The following PHACTR1 variants were observed in gnomAD, a reference collection of about 807,000 sequenced individuals.
PHACTR1 encodes the protein phosphatase and actin regulator 1, also known as RPEL repeat containing 1.
Under a neutral mutation model 69.2 loss-of-function variants are expected in PHACTR1, and 16 were observed. The ratio of observed to expected loss-of-function variants is 0.23; its 90% CI spans 0.16 to 0.35. PHACTR1 has a LOEUF of 0.35. PHACTR1 is among the 10% of genes least tolerant of loss of function. PHACTR1 has a pLI of 1.00. For missense variants in PHACTR1, 510 were observed against 734.7 expected (o/e 0.69, Z 3.54); for synonymous variants, 312 against 284.5 (o/e 1.10, Z -0.97).
At chr6:13,198,668 C>T (rs1446828337) in intron 7 of PHACTR1, among the ~76,000 whole-genome samples, 3 of 151,866 alleles carry the variant, frequency 2.0e-5, no homozygotes, top group Non-Finnish European at 4.4e-5. Context: ...GCATAAATCC[C>T]GTCATGTTTT....
chr6:13,058,885 G>C (rs888742429), intron 5 of PHACTR1, among the ~76,000 whole-genome samples: 4 of 152,154 alleles, frequency 2.6e-5, no homozygotes, highest in African/African-American at 9.7e-5. Context: ...GGTAACCAAA[G>C]ACCAGCTCCC....
chr6:12,807,957 A>G (rs1411195335), intron 4 of PHACTR1, among the ~76,000 whole-genome samples: 2 of 152,166 alleles, frequency 1.3e-5, no homozygotes, highest in Non-Finnish European at 2.9e-5. Flanking sequence ...AGATACTCAC[A>G]CCTCAGCTTT....
chr6:13,249,258 T>G (rs1392225665), intron 10 of PHACTR1, among the ~76,000 whole-genome samples: 1 of 152,058 alleles, frequency 6.6e-6, no homozygotes, highest in Non-Finnish European at 1.5e-5. Flanking sequence ...CATTAGATTC[T>G]CAGAACTGTG....
At chr6:13,226,460 A>C (rs957018899) in intron 8 of PHACTR1, among the ~76,000 whole-genome samples, 1 of 152,194 alleles carries the variant, frequency 6.6e-6, no homozygotes, top group South Asian at 2.1e-4. Flanking sequence ...TAGGCATGTC[A>C]AACACTTTTG....
intron 4 of PHACTR1, among the ~76,000 whole-genome samples, chr6:12,955,120 T>C (rs755486342): frequency 2.0e-5 from 3 of 151,636 alleles, no homozygotes; most frequent in Non-Finnish European, 4.4e-5. Context: ...ACAAAAATAA[T>C]TTCCCTTAAA....
At chr6:13,176,369 C>T (rs887345156) in intron 6 of PHACTR1, among the ~76,000 whole-genome samples, 4 of 152,186 alleles carry the variant, frequency 2.6e-5, no homozygotes, top group African/African-American at 9.7e-5. Context: ...AAACACATCT[C>T]ATGCATCCAC....
At position 13,205,902 on chromosome 6, in the gene PHACTR1, TG is replaced by T. The variant is rs749326031; in HGVS notation, c.759del (p.Pro254GlnfsTer59). The part of the protein sequence containing the change: ...PPKKVMICMP[V>X]GGPDLSLVSY... ...AAGAAAGTCATGATCTGTATGCCCG[TG>T]GGGGGGCCAGACCTCTCACTGGTGT... On this transcript the variant is annotated frameshift_variant, in exon 8 of 15. Transcript: ENST00000332995. LOFTEE classifies it high-confidence loss of function. 3 of 1,613,432 alleles carry T rather than the reference TG, an allele frequency of 1.9e-6. No individual in the cohort carries two copies. Among genetic ancestry groups the T allele is most frequent in the Non-Finnish European group, 2.5e-6 (3 of 1,179,500 alleles).
intron 4 of PHACTR1, among the ~76,000 whole-genome samples, chr6:12,925,882 G>T (rs192835403): frequency 1.3e-5 from 2 of 152,110 alleles, no homozygotes; most frequent in African/African-American, 4.8e-5. Flanking sequence ...CCTGTCTCTC[G>T]TGTATCTTCA....
At chr6:12,723,467 G>A (rs1184168489) in intron 3 of PHACTR1, among the ~76,000 whole-genome samples, 3 of 151,332 alleles carry the variant, frequency 2.0e-5, no homozygotes, top group Non-Finnish European at 4.4e-5. Context: ...ACACCACCTG[G>A]AATCCTTGTT....
chr6:12,907,433 T>G (rs1048633380), intron 4 of PHACTR1, among the ~76,000 whole-genome samples: 3 of 152,234 alleles, frequency 2.0e-5, no homozygotes, highest in Non-Finnish European at 4.4e-5. Context: ...TGTCTTTTAT[T>G]TCTATGTAGT....
chr6:13,113,242 A>T lies in PHACTR1; in HGVS notation c.416-46962A>T, dbSNP rs190688006. Reference sequence around the variant, plus strand: ...AACTTAGATGAAATAAATTTTTAGTAAAAGATAACTGGTCAAAACTGATCC... The same window carrying T: ...AACTTAGATGAAATAAATTTTTAGTTAAAGATAACTGGTCAAAACTGATCC... On this transcript the variant is annotated intron_variant, in intron 5 of 14. Coordinates refer to ENST00000332995, the MANE Select transcript of PHACTR1 (RefSeq NM_030948.6). Among the ~76,000 whole-genome samples, 144 of 152,254 alleles carry T rather than the reference A, an allele frequency of 9.5e-4. 1 individual carries two copies. The highest frequency in any genetic ancestry group is 2.9e-3 in the African/African-American group (121 of 41,558).
At chr6:13,082,263 T>C (rs1583277102) in intron 5 of PHACTR1, among the ~76,000 whole-genome samples, 1 of 152,172 alleles carries the variant, frequency 6.6e-6, no homozygotes, top group South Asian at 2.1e-4. Context: ...CTCCAATGGG[T>C]ATCACTTTGC....
chr6:13,198,384 A>G lies in PHACTR1; in HGVS notation c.665-7431A>G, dbSNP rs560624686. 2.6e-5 allele frequency among the ~76,000 whole-genome samples: 4 copies of G among 152,320 alleles called. No homozygotes were observed. The South Asian group carries it at 6.2e-4, about 24-fold the overall frequency. On this transcript the variant is annotated intron_variant, in intron 7 of 14. Coordinates refer to ENST00000332995, the MANE Select transcript of PHACTR1 (RefSeq NM_030948.6). ...GATGATGGGCTTCCTAAAGGAGGCAATTAATAATGAGGATGGTGATAGCAT... is the reference window on the plus strand; with the variant it reads ...GATGATGGGCTTCCTAAAGGAGGCAGTTAATAATGAGGATGGTGATAGCAT...
intron 4 of PHACTR1, among the ~76,000 whole-genome samples, chr6:12,868,282 C>T (rs1015237923): frequency 7.7e-5 from 11 of 143,486 alleles, no homozygotes; most frequent in African/African-American, 2.3e-4. Context: ...AAAAAAAGTT[C>T]AGGTGCTGAC....
intron 3 of PHACTR1, among the ~76,000 whole-genome samples, chr6:12,723,148 G>T (rs766872772): frequency 1.3e-5 from 2 of 152,114 alleles, no homozygotes; most frequent in African/African-American, 4.8e-5. Context: ...CTCTTCCTAA[G>T]CCAAGAGAAA....
chr6:12,991,485 A>G (rs9463348), intron 4 of PHACTR1, among the ~76,000 whole-genome samples: 1,586 of 152,356 alleles, frequency 0.01, 34 homozygotes, highest in African/African-American at 0.035. Flanking sequence ...GAGGCCGGCA[A>G]TACAGAAAAG....
intron 10 of PHACTR1, among the ~76,000 whole-genome samples, chr6:13,248,584 G>C (rs1220807544): frequency 6.6e-6 from 1 of 152,218 alleles, no homozygotes; most frequent in African/African-American, 2.4e-5. Context: ...GGTCTCTTGT[G>C]TGTGATCACG....
intron 8 of PHACTR1, among the ~76,000 whole-genome samples, chr6:13,218,850 AGGAAAGAGAAGAGAAGAG>A (rs1310032279): frequency 1.5e-5 from 2 of 136,602 alleles, no homozygotes; most frequent in African/African-American, 2.7e-5. Context: ...GAGGAGGAGG[AGGAAAGAGAAGAGAAGAG>A]AAGAGAAGAG....
rs1782185925 is a variant in PHACTR1, at chr6:12,872,922, CTTCTTTCTTTCTT to C, written c.250+123145_250+123157del. On this transcript the variant is annotated intron_variant, in intron 4 of 14. Transcript: ENST00000332995. ...CATCAATTATTTCTTTCCTTCCTCC[CTTCTTTCTTTCTT>C]TTCTTTCTTTCTCGTTCTCCTTCCT... Among the ~76,000 whole-genome samples the C allele has an allele frequency of 2.0e-5, 3 of 151,758 alleles. No homozygotes were observed. The South Asian group carries it at 6.2e-4, about 32-fold the overall frequency.
Sources: gnomAD v4.1 joint callset for allele counts (sites outside exome capture counted in the v4.1 genomes callset) on GRCh38, gnomAD v4.1.1 for gene constraint, MANE v1.5 for transcripts, NCBI Gene and HGNC (gene_info 2026-07-23, HGNC 2026-07-21) for gene names.